Variants in NCKAP5 observed in about 807,000 individuals in gnomAD.
NCKAP5 encodes nck-associated protein 5.
A neutral mutation model predicts 167.0 loss-of-function variants in NCKAP5; 92 were observed. That is an observed-to-expected ratio of 0.55 (90% CI 0.47 to 0.66). NCKAP5 has a LOEUF of 0.66. NCKAP5 is among the 30% of genes least tolerant of loss of function. The pLI is 0.00. For synonymous variants in NCKAP5, 891 were observed against 877.4 expected, an observed-to-expected ratio of 1.02 and a Z score of -0.27; for missense variants, 2,378 against 2,315.0, an observed-to-expected ratio of 1.03 and a Z score of -0.56.
intron 2 of NCKAP5, among the ~76,000 whole-genome samples, chr2:133,553,520 G>T: frequency 6.6e-6 from 1 of 152,168 alleles, no homozygotes; most frequent in African/African-American, 2.4e-5. Context: ...GAATTACGGT[G>T]GTTGTGGATC....
At chr2:133,076,095 A>C (rs2080591491) in intron 6 of NCKAP5, among the ~76,000 whole-genome samples, 1 of 152,242 alleles carries the variant, frequency 6.6e-6, no homozygotes, top group African/African-American at 2.4e-5. Flanking sequence ...CAATTTTGGT[A>C]ATGTTTACAC....
chr2:133,399,395 A>T (rs983247552), intron 3 of NCKAP5, among the ~76,000 whole-genome samples: 71 of 152,184 alleles, frequency 4.7e-4, no homozygotes, highest in African/African-American at 1.6e-3. Flanking sequence ...TAAAAAAAAA[A>T]AACAAAACAT....
Position 133,517,604 on chromosome 2 carries a change from T to G in NCKAP5, c.-61-17A>C. The stretch of plus-strand genomic sequence containing the variant: ...CCAGGGTCACTGAAAAGAGTGAACA[T>G]GTGTTTTACTATCCAAGTACACAGT... On this transcript the variant is annotated splice_polypyrimidine_tract_variant and intron_variant, in intron 2 of 19. Transcript: ENST00000409261. 1 of 898,902 alleles carries G rather than the reference T, an allele frequency of 1.1e-6. No individual in the cohort carries two copies. The highest frequency in any genetic ancestry group is 2.1e-5 in the South Asian group (1 of 48,478). 55.7% of individuals were successfully genotyped at this position (898,902 alleles called of 1,614,324 possible). A position where few individuals can be genotyped will look rare whatever the true frequency, so the allele number is the denominator to read the frequency against.
intron 11 of NCKAP5, among the ~76,000 whole-genome samples, chr2:132,803,778 A>G (rs113787600): frequency 0.015 from 2,290 of 152,328 alleles, 19 homozygotes; most frequent in Non-Finnish European, 0.022. Flanking sequence ...TGAAGCATCT[A>G]CTATGTGCAG....
At chr2:132,695,559 A>T (rs1302943188) in intron 19 of NCKAP5, among the ~76,000 whole-genome samples, 1 of 152,160 alleles carries the variant, frequency 6.6e-6, no homozygotes, top group Non-Finnish European at 1.5e-5. Flanking sequence ...AGAAATCCTC[A>T]GTGGAATTGC....
At chr2:132,920,771 GTATATATATA>G (rs55895538) in intron 8 of NCKAP5, among the ~76,000 whole-genome samples, 2,185 of 31,382 alleles carry the variant, frequency 0.07, 161 homozygotes, top group South Asian at 0.094. Flanking sequence ...ATATATGTAT[GTATATATATA>G]TATATATATA....
chr2:132,969,635 A>G (rs979679730), intron 7 of NCKAP5, among the ~76,000 whole-genome samples: 2 of 152,152 alleles, frequency 1.3e-5, no homozygotes, highest in South Asian at 2.1e-4. Context: ...GGCTCTGTGT[A>G]GTTCTCAAGT....
intron 4 of NCKAP5, among the ~76,000 whole-genome samples, chr2:133,278,815 G>T (rs1486326833): frequency 6.7e-6 from 1 of 148,726 alleles, no homozygotes; most frequent in Non-Finnish European, 1.5e-5. Flanking sequence ...TTAAAATAAG[G>T]GGGAAAGGCC....
intron 19 of NCKAP5, among the ~76,000 whole-genome samples, chr2:132,705,291 C>T (rs969272171): frequency 6.6e-6 from 1 of 152,066 alleles, no homozygotes; most frequent in South Asian, 2.1e-4. Context: ...TCCAGTGACC[C>T]CATTTATCTA....
At chr2:133,550,659 C>A (rs1343155449) in intron 2 of NCKAP5, among the ~76,000 whole-genome samples, 3 of 116,304 alleles carry the variant, frequency 2.6e-5, no homozygotes, top group African/African-American at 9.9e-5. Flanking sequence ...TGGGCAAAAA[C>A]TGGAAGCATT....
At chr2:133,416,261 A>G (rs1020210433) in intron 3 of NCKAP5, among the ~76,000 whole-genome samples, 2 of 152,204 alleles carry the variant, frequency 1.3e-5, no homozygotes, top group African/African-American at 4.8e-5. Flanking sequence ...ATTCCACTCT[A>G]GTCATCCTTT....
At chr2:133,399,356 G>C (rs1687954748) in intron 3 of NCKAP5, among the ~76,000 whole-genome samples, 1 of 150,788 alleles carries the variant, frequency 6.6e-6, no homozygotes. Flanking sequence ...TCATTGCACA[G>C]ATTAAGAATG....
chr2:132,852,597 A>G (rs1417173007), intron 11 of NCKAP5, among the ~76,000 whole-genome samples: 1 of 152,228 alleles, frequency 6.6e-6, no homozygotes, highest in Admixed American at 6.5e-5. Context: ...GAGGTTGGGA[A>G]GGCCAAACAA....
At chr2:133,658,864 C>A in the NCKAP5 span, among the ~76,000 whole-genome samples, 1 of 151,744 alleles carries the variant, frequency 6.6e-6, no homozygotes, top group Non-Finnish European at 1.5e-5. Context: ...CCTTGCAACC[C>A]GAAATACTGA....
chr2:133,166,973 C>T (rs954850589), intron 5 of NCKAP5, among the ~76,000 whole-genome samples: 5 of 152,126 alleles, frequency 3.3e-5, no homozygotes, highest in African/African-American at 1.2e-4. Context: ...AATTAAGTAC[C>T]ACTAACTTGA....
intron 3 of NCKAP5, among the ~76,000 whole-genome samples, chr2:133,478,049 C>T (rs981570658): frequency 6.6e-6 from 1 of 152,148 alleles, no homozygotes; most frequent in Non-Finnish European, 1.5e-5. Context: ...TTTTTATAAA[C>T]ACTCTTATTA....
At chr2:133,394,223 C>G (rs1456780185) in intron 3 of NCKAP5, among the ~76,000 whole-genome samples, 1 of 152,206 alleles carries the variant, frequency 6.6e-6, no homozygotes, top group Admixed American at 6.5e-5. Context: ...GTATTAGGTG[C>G]TAGCGAACTA....
chr2:133,604,947 C>T, the NCKAP5 span, among the ~76,000 whole-genome samples: 1 of 152,332 alleles, frequency 6.6e-6, no homozygotes, highest in East Asian at 1.9e-4. Context: ...GCTGGCTGTA[C>T]AAGACACAGT....
intron 6 of NCKAP5, among the ~76,000 whole-genome samples, chr2:133,033,188 A>C (rs1320343065): frequency 6.6e-6 from 1 of 152,220 alleles, no homozygotes; most frequent in African/African-American, 2.4e-5. Context: ...TTTAGGAGAA[A>C]GTAAGGGAAG....
Sources: gnomAD v4.1 joint callset for allele counts (sites outside exome capture counted in the v4.1 genomes callset) on GRCh38, gnomAD v4.1.1 for gene constraint, MANE v1.5 for transcripts, NCBI Gene and HGNC (gene_info 2026-07-23, HGNC 2026-07-21) for gene names.